ANAPC2: variants seen among roughly 807,000 people sequenced by gnomAD.
ANAPC2 encodes the protein anaphase promoting complex subunit 2.
A neutral mutation model predicts 84.3 loss-of-function variants in ANAPC2; 29 were observed. The observed-to-expected ratio is 0.34, with a 90% confidence interval of 0.26 to 0.47. The LOEUF (loss-of-function observed/expected upper bound fraction) is 0.47, where lower values mean the gene tolerates loss of function less well. ANAPC2 is among the 20% of genes least tolerant of loss of function. The probability of loss-of-function intolerance (pLI) is 1.00; values close to 1 mark genes in which losing one functional copy is unlikely to be tolerated. For synonymous variants in ANAPC2, 571 were observed against 479.4 expected (o/e 1.19, Z -2.50); for missense variants, 857 against 1,131.7 (o/e 0.76, Z 3.48).
Position 137,180,868 on chromosome 9 carries a change from G to A in ANAPC2, c.1530C>T (p.Gly510=), listed in dbSNP as rs765812317. The change falls in exon 8 of 13, where the codon GGC becomes GGT. Residue 510 remains glycine, a synonymous_variant. Transcript: ENST00000323927. ...DIISLLVSIY[G]SKDLFINEYR... ...ACTCATTGATGAAGAGGTCCTTGCT[G>A]CCGTAGATGCTGACCAGCAGGCTGA... The A allele has an allele frequency of 8.1e-6, 13 of 1,613,366 alleles. No individual in the cohort carries two copies. The Admixed American group carries it at 1.8e-4, about 23-fold the overall frequency.
chr9:137,185,261 C>T (rs1478825790), intron 3 of ANAPC2, among the ~76,000 whole-genome samples, 174 bp from the exon 4 acceptor site: 1 of 152,168 alleles, frequency 6.6e-6, no homozygotes, highest in Non-Finnish European at 1.5e-5. Flanking sequence ...TGGGTGATGG[C>T]CCAAAAGGCG....
intron 5 of ANAPC2, 26 bp downstream of exon 5, chr9:137,183,646 C>T: frequency 6.2e-7 from 1 of 1,601,824 alleles, no homozygotes; most frequent in Admixed American, 1.7e-5. Flanking sequence ...GCCCAGAGTG[C>T]TGGGTGGCCG....
intron 2 of ANAPC2, chr9:137,187,061 CT>C: frequency 5.2e-6 from 1 of 190,530 alleles, no homozygotes; most frequent in Admixed American, 5.3e-5. Flanking sequence ...CAAGAGACTG[CT>C]TGCCCTCACA....
chr9:137,187,098 C>G (rs536308402), intron 2 of ANAPC2: 2 of 220,702 alleles, frequency 9.1e-6, no homozygotes, highest in East Asian at 2.0e-4. Flanking sequence ...TGGAGAGAAG[C>G]AGCAGCAAGC....
At chr9:137,183,627 A>C (rs776702336) in intron 5 of ANAPC2, 45 bp downstream of exon 5, 20 of 1,582,602 alleles carry the variant, frequency 1.3e-5, no homozygotes, top group Non-Finnish European at 1.7e-5. Context: ...TCCCCTGGTG[A>C]GTGTCTAAGC....
At chr9:137,183,316 A>G in intron 5 of ANAPC2, 74 bp from the exon 6 acceptor site, 3 of 1,264,410 alleles carry the variant, frequency 2.4e-6, no homozygotes, top group Non-Finnish European at 3.4e-6. Context: ...ACCCGAGTAG[A>G]CAGCTGGCCA....
intron 10 of ANAPC2, chr9:137,176,135 T>G: frequency 3.4e-6 from 1 of 297,982 alleles, no homozygotes; most frequent in Non-Finnish European, 6.4e-6. Flanking sequence ...CAGATGTAAC[T>G]GAGGTGCATC....
chr9:137,185,982 G>A (rs73571578), intron 3 of ANAPC2, among the ~76,000 whole-genome samples: 5,424 of 152,284 alleles, frequency 0.036, 151 homozygotes, highest in Middle Eastern at 0.078. Flanking sequence ...ATCCTGGCCC[G>A]ATACCGCCTG....
At position 137,175,079 on chromosome 9, in the gene ANAPC2, G is replaced by A. The variant is rs907354773; in HGVS notation, c.2332C>T (p.Arg778Cys). The A allele has an allele frequency of 8.7e-6, 14 of 1,607,870 alleles. No individual in the cohort carries two copies. Among genetic ancestry groups the A allele is most frequent in the Non-Finnish European group, 1.1e-5 (13 of 1,177,912 alleles). Residue 778 changes from arginine (R) to cysteine (C), a missense_variant, in exon 13 of 13, where the codon CGC (arginine) becomes TGC (cysteine). Transcript: ENST00000323927. The stretch of plus-strand genomic sequence containing the variant: ...GCAGGCCCAGTCACCACAAACATGC[G>A]GAGCATGTTGTAGATACGATCCAGT... ...LSLDRIYNML[R>C]MFVVTGPALA...
intron 10 of ANAPC2, among the ~76,000 whole-genome samples, chr9:137,179,973 G>A (rs1032899664): frequency 1.3e-5 from 2 of 152,246 alleles, no homozygotes; most frequent in Admixed American, 6.5e-5. Flanking sequence ...GCGGACGCTC[G>A]CTCACAGGGG....
chr9:137,181,890 A>G, intron 6 of ANAPC2, 28 bp from the exon 7 acceptor site: 1 of 1,585,876 alleles, frequency 6.3e-7, no homozygotes, highest in Non-Finnish European at 8.5e-7. Context: ...GCTGTGGCCC[A>G]CAGTGTGGAC....
intron 10 of ANAPC2, among the ~76,000 whole-genome samples, chr9:137,178,677 C>G (rs1588757898): frequency 1.3e-5 from 2 of 151,560 alleles, no homozygotes; most frequent in South Asian, 4.2e-4. Flanking sequence ...GTGGGGATGG[C>G]CAGGGTGCTC....
At position 137,187,655 on chromosome 9, in the gene ANAPC2, C is replaced by T. The variant is rs1279043535; in HGVS notation, c.566G>A (p.Arg189Lys). ...CGGGTCTGTGCCCCCTTCCCCCTTCCTCTTACTCTGCATATAGACTCTCAA... is the reference window on the plus strand; with the variant it reads ...CGGGTCTGTGCCCCCTTCCCCCTTCTTCTTACTCTGCATATAGACTCTCAA... Reference protein sequence around the residue: ...CFLRVYMQSKRKGEGGTDPEL... With the variant: ...CFLRVYMQSKKKGEGGTDPEL... The change falls in exon 2 of 13, where the codon AGG becomes AAG. Residue 189 changes from arginine to lysine, a missense_variant. Around this residue, in one of 3 missense-constraint regions of ANAPC2, gnomAD observed 428 missense variants for 513.8 expected, o/e 0.83. Transcript: ENST00000323927. 2 of 1,614,124 alleles carry T rather than the reference C, an allele frequency of 1.2e-6. No individual in the cohort carries two copies. Among genetic ancestry groups the T allele is most frequent in the East Asian group, 2.2e-5 (1 of 44,888 alleles).
intron 3 of ANAPC2, among the ~76,000 whole-genome samples, chr9:137,185,701 G>A (rs1182689014): frequency 6.6e-6 from 1 of 152,300 alleles, no homozygotes; most frequent in African/African-American, 2.4e-5. Context: ...ACAGGATGGG[G>A]GGACCCACAT....
chr9:137,183,497 G>A (rs1834386003), intron 5 of ANAPC2, 175 bp downstream of exon 5: 1 of 1,032,716 alleles, frequency 9.7e-7, no homozygotes, highest in African/African-American at 1.6e-5. Flanking sequence ...GAAGAAACAA[G>A]CAAGCTGACG....
rs1564373935 is a variant in ANAPC2 at position 137,175,271 on chromosome 9, G to C, written c.2222C>G (p.Ala741Gly). ...DSDDESDSGM[A>G]SQADQKEEEL... ...CTCCTCCTTCTGGTCGGCCTGGGAG[G>C]CCATGCCGGAGTCGCTCTCGTCGTC... The change falls in exon 12 of 13, where the codon GCC becomes GGC. Residue 741 changes from alanine to glycine, a missense_variant. Physicochemically the swap from Ala to Gly is moderately conservative, Grantham distance 60. Coordinates refer to ENST00000323927, the MANE Select transcript of ANAPC2 (RefSeq NM_013366.4). 1 of 1,612,600 alleles carries C rather than the reference G, an allele frequency of 6.2e-7. No homozygotes were observed. Among genetic ancestry groups the C allele is most frequent in the Non-Finnish European group, 8.5e-7 (1 of 1,179,834 alleles).
Position 137,185,024 on chromosome 9 carries a change from C to A in ANAPC2, c.937G>T (p.Ala313Ser), listed in dbSNP as rs751826544. ...AGGGTGTTGCCGGCCTCGGGAGATG[C>A]GGGCCTGGCGGGGCCGTCCTGCAGG... ...VFLQDGPARPASPEAGNTLRR... is the reference protein window; with the variant it reads ...VFLQDGPARPSSPEAGNTLRR... The change falls in exon 4 of 13, where the codon GCA becomes TCA. Residue 313 changes from alanine to serine, a missense_variant. This residue lies in a region of ANAPC2 where 428 missense variants were observed against 513.8 expected (regional missense o/e 0.83). Transcript: ENST00000323927. 6 of 1,591,664 alleles carry A rather than the reference C, an allele frequency of 3.8e-6. No individual in the cohort carries two copies. The highest frequency in any genetic ancestry group is 1.3e-5 in the African/African-American group (1 of 74,462).
chr9:137,184,099 CG>C (rs1564378109), intron 4 of ANAPC2, among the ~76,000 whole-genome samples: 31 of 152,356 alleles, frequency 2.0e-4, no homozygotes, highest in Non-Finnish European at 1.5e-5. Context: ...GATCCAGGCA[CG>C]GGGGACGCCG....
chr9:137,187,381 C>T (rs567223289), intron 2 of ANAPC2, 100 bp downstream of exon 2: 2 of 1,454,994 alleles, frequency 1.4e-6, no homozygotes, highest in African/African-American at 1.4e-5. Flanking sequence ...TCCTGGTTAT[C>T]AGGACGGCTC....
Sources: gnomAD v4.1 joint callset for allele counts (sites outside exome capture counted in the v4.1 genomes callset) on GRCh38, gnomAD v4.1.1 for gene constraint, gnomAD v4.1.1 regional missense constraint, MANE v1.5 for transcripts, NCBI Gene and HGNC (gene_info 2026-07-23, HGNC 2026-07-21) for gene names.